The following EHBP1 variants were observed in gnomAD, a reference collection of about 807,000 sequenced individuals.
The protein encoded by EHBP1 is EH domain binding protein 1.
A neutral mutation model predicts 144.0 loss-of-function variants in EHBP1; 55 were observed. The observed-to-expected ratio is 0.38, with a 90% CI of 0.31 to 0.48. The LOEUF is 0.48. Ranked by LOEUF, EHBP1 falls within the 20% of genes least tolerant of loss-of-function variation. The probability of loss-of-function intolerance (pLI) is 0.98; values close to 1 mark genes in which losing one functional copy is unlikely to be tolerated. For synonymous variants in EHBP1, 469 were observed against 472.7 expected, an observed-to-expected ratio of 0.99 and a Z score of 0.10; for missense variants, 1,200 against 1,364.2, an observed-to-expected ratio of 0.88 and a Z score of 1.90.
At chr2:62,691,693 C>A (rs2033911159) in intron 1 of EHBP1, among the ~76,000 whole-genome samples, 1 of 152,142 alleles carries the variant, frequency 6.6e-6, no homozygotes, top group Admixed American at 6.5e-5. Flanking sequence ...GGTGTTAAAC[C>A]TAAGTGACTT....
At chr2:62,913,146 A>G (rs925813914) in intron 10 of EHBP1, among the ~76,000 whole-genome samples, 4 of 152,214 alleles carry the variant, frequency 2.6e-5, no homozygotes, top group African/African-American at 4.8e-5. Context: ...TTTTGGCTAC[A>G]TGTATTATGA....
rs573107733 is a variant in EHBP1 at position 62,781,491 on chromosome 2, G to A, written c.312+10099G>A. Among the ~76,000 whole-genome samples the A allele has an allele frequency of 3.3e-5, 5 of 152,200 alleles. No individual in the cohort carries two copies. In the East Asian group the frequency reaches 5.8e-4, roughly 18 times the overall value. The stretch of plus-strand genomic sequence containing the variant: ...AGTCAGACTGCCTCAGACTTCACTG[G>A]GAGTGTGCTGTAGTATATATATGGT... On this transcript the variant is annotated intron_variant, in intron 5 of 22. Coordinates refer to ENST00000431489, the MANE Select transcript of EHBP1 (RefSeq NM_001142616.3).
At chr2:62,706,297 C>G (rs1003244335) in intron 1 of EHBP1, 1 of 152,538 alleles carries the variant, frequency 6.6e-6, no homozygotes, top group Non-Finnish European at 1.5e-5. Flanking sequence ...TGCTTCACCC[C>G]CAGGCAGGAG....
At chr2:62,914,717 G>C (rs1292620258) in intron 10 of EHBP1, among the ~76,000 whole-genome samples, 1 of 151,942 alleles carries the variant, frequency 6.6e-6, no homozygotes, top group Non-Finnish European at 1.5e-5. Flanking sequence ...ATGACTGTAT[G>C]CATTTGTATA....
At chr2:62,942,308 A>G (rs1242473395) in intron 10 of EHBP1, among the ~76,000 whole-genome samples, 1 of 152,186 alleles carries the variant, frequency 6.6e-6, no homozygotes, top group Non-Finnish European at 1.5e-5. Flanking sequence ...TTTGTGTTAC[A>G]TTTGGACCTC....
At chr2:63,033,849 G>A (rs2061359669) in intron 19 of EHBP1, among the ~76,000 whole-genome samples, 1 of 152,044 alleles carries the variant, frequency 6.6e-6, no homozygotes, top group African/African-American at 2.4e-5. Context: ...TGCATGTACT[G>A]CTCTGCATCA....
At chr2:62,881,305 C>T (rs1246066859) in intron 10 of EHBP1, among the ~76,000 whole-genome samples, 1 of 149,618 alleles carries the variant, frequency 6.7e-6, no homozygotes, top group East Asian at 2.0e-4. Context: ...GTGTTTTTTA[C>T]TTGGGTGATG....
intron 5 of EHBP1, among the ~76,000 whole-genome samples, chr2:62,820,157 A>G (rs997030205): frequency 1.3e-4 from 20 of 151,354 alleles, no homozygotes; most frequent in African/African-American, 4.9e-4. Flanking sequence ...GTTGCAGTGA[A>G]ATGAGATCGT....
intron 7 of EHBP1, among the ~76,000 whole-genome samples, chr2:62,850,322 A>C (rs2048597698): frequency 6.6e-6 from 1 of 152,120 alleles, no homozygotes; most frequent in Non-Finnish European, 1.5e-5. Context: ...TTTTTACTAC[A>C]GACTTTCTTA....
intron 7 of EHBP1, among the ~76,000 whole-genome samples, chr2:62,841,017 G>A (rs2047792141): frequency 6.6e-6 from 1 of 152,078 alleles, no homozygotes; most frequent in Non-Finnish European, 1.5e-5. Flanking sequence ...TATAAATCAT[G>A]CTGCTATAAA....
chr2:62,959,057 AC>A (rs1167203998), intron 14 of EHBP1, among the ~76,000 whole-genome samples: 1 of 152,182 alleles, frequency 6.6e-6, no homozygotes, highest in Non-Finnish European at 1.5e-5. Context: ...GTCCCTGTCT[AC>A]CACTGTTTCG....
intron 19 of EHBP1, among the ~76,000 whole-genome samples, chr2:63,024,628 A>T (rs1190761477): frequency 6.7e-6 from 1 of 149,900 alleles, no homozygotes; most frequent in African/African-American, 2.4e-5. Flanking sequence ...AAAAAATTAG[A>T]TGGAGTCAAA....
intron 2 of EHBP1, among the ~76,000 whole-genome samples, chr2:62,737,593 A>G (rs1426421791): frequency 6.6e-6 from 1 of 152,124 alleles, no homozygotes. Flanking sequence ...AGTTGTTGAT[A>G]TTTCAGCTTG....
At chr2:62,675,799 C>T (rs746358392) in intron 1 of EHBP1, among the ~76,000 whole-genome samples, 3 of 152,184 alleles carry the variant, frequency 2.0e-5, no homozygotes, top group African/African-American at 4.8e-5. Flanking sequence ...TGGGTCCTGA[C>T]GGGAGTGCTG....
intron 1 of EHBP1, among the ~76,000 whole-genome samples, chr2:62,694,194 T>A (rs1343200235): frequency 3.3e-5 from 5 of 152,182 alleles, no homozygotes; most frequent in African/African-American, 1.2e-4. Context: ...TTTTCATTCA[T>A]ACTGGAAAAG....
chr2:63,008,048 G>A (rs776673494), intron 19 of EHBP1, among the ~76,000 whole-genome samples: 22 of 151,598 alleles, frequency 1.5e-4, no homozygotes, highest in Non-Finnish European at 2.5e-4. Context: ...GGGATTTTAG[G>A]CAGATTAGAC....
intron 5 of EHBP1, among the ~76,000 whole-genome samples, chr2:62,812,250 A>AT (rs1359793980): frequency 1.3e-5 from 2 of 152,122 alleles, no homozygotes; most frequent in African/African-American, 4.8e-5. Context: ...TTCTTAATAA[A>AT]TTACCCACTC....
At chr2:62,852,500 A>C (rs1418460507) in intron 7 of EHBP1, among the ~76,000 whole-genome samples, 1 of 152,066 alleles carries the variant, frequency 6.6e-6, no homozygotes, top group Non-Finnish European at 1.5e-5. Flanking sequence ...ACTAATATAC[A>C]TGATAAAATG....
intron 14 of EHBP1, among the ~76,000 whole-genome samples, chr2:62,972,303 A>G (rs2058534858): frequency 6.6e-6 from 1 of 152,224 alleles, no homozygotes; most frequent in Non-Finnish European, 1.5e-5. Flanking sequence ...CAGAAATAAT[A>G]AGATAATCAT....
Sources: gnomAD v4.1 joint callset for allele counts (sites outside exome capture counted in the v4.1 genomes callset) on GRCh38, gnomAD v4.1.1 for gene constraint, MANE v1.5 for transcripts, NCBI Gene and HGNC (gene_info 2026-07-23, HGNC 2026-07-21) for gene names.